The following PDE10A variants were observed in gnomAD, a reference collection of about 807,000 sequenced individuals.
The protein encoded by PDE10A is phosphodiesterase 10A, also known as cAMP and cAMP-inhibited cGMP 3',5'-cyclic phosphodiesterase 10A.
Under a neutral mutation model 97.7 loss-of-function variants are expected in PDE10A, and 39 were observed. The observed-to-expected ratio is 0.40, with a 90% CI of 0.31 to 0.52. The LOEUF (loss-of-function observed/expected upper bound fraction) is 0.52, where lower values mean the gene tolerates loss of function less well. Among genes scored for constraint, PDE10A ranks in the 20% least tolerant of loss-of-function variants. The pLI, the probability that PDE10A is intolerant of heterozygous loss-of-function variation, is 0.56. For missense variants in PDE10A, 731 were observed against 1,047.8 expected (o/e 0.70, Z 4.17); for synonymous variants, 371 against 376.8 (o/e 0.98, Z 0.18).
chr6:165,552,475 G>A (rs1026162341), intron 1 of PDE10A, among the ~76,000 whole-genome samples: 2 of 152,192 alleles, frequency 1.3e-5, no homozygotes, highest in African/African-American at 2.4e-5. Flanking sequence ...GAACACCTGC[G>A]TTCCTTCTGA....
intron 1 of PDE10A, among the ~76,000 whole-genome samples, chr6:165,970,295 A>C (rs1046627629): frequency 2.0e-5 from 3 of 152,252 alleles, no homozygotes; most frequent in Non-Finnish European, 2.9e-5. Flanking sequence ...TTATTAGAAC[A>C]ACTGACAAAA....
intron 1 of PDE10A, among the ~76,000 whole-genome samples, chr6:165,838,259 T>G (rs1780120519): frequency 6.6e-6 from 1 of 152,230 alleles, no homozygotes; most frequent in Non-Finnish European, 1.5e-5. Context: ...CCCACATTAA[T>G]GGAATGCCTT....
chr6:165,579,526 T>C (rs1785496116), intron 1 of PDE10A, among the ~76,000 whole-genome samples: 2 of 152,238 alleles, frequency 1.3e-5, no homozygotes, highest in South Asian at 2.1e-4. Flanking sequence ...ACTTCAAAAT[T>C]CATCCAAAAC....
chr6:165,560,588 T>C (rs1455975663), intron 1 of PDE10A, among the ~76,000 whole-genome samples: 5 of 152,252 alleles, frequency 3.3e-5, no homozygotes, highest in African/African-American at 1.2e-4. Flanking sequence ...AAACCTTTAC[T>C]TTTCTAAAGT....
At chr6:165,614,932 C>T (rs1787658094) in intron 1 of PDE10A, among the ~76,000 whole-genome samples, 2 of 151,906 alleles carry the variant, frequency 1.3e-5, no homozygotes, top group South Asian at 4.1e-4. Flanking sequence ...GTAAAATAGG[C>T]CAGGCGCAGT....
At chr6:165,872,552 G>A (rs1427719441) in intron 1 of PDE10A, among the ~76,000 whole-genome samples, 3 of 152,266 alleles carry the variant, frequency 2.0e-5, no homozygotes, top group Admixed American at 1.3e-4. Flanking sequence ...CCTCCTGACC[G>A]AACACAATGA....
At chr6:165,897,417 T>C (rs1221717077) in intron 1 of PDE10A, among the ~76,000 whole-genome samples, 1 of 151,796 alleles carries the variant, frequency 6.6e-6, no homozygotes, top group African/African-American at 2.4e-5. Context: ...CATCCAGTAT[T>C]TGGGGGTGGG....
intron 1 of PDE10A, among the ~76,000 whole-genome samples, chr6:165,937,946 C>A (rs77943121): frequency 6.6e-6 from 1 of 152,072 alleles, no homozygotes; most frequent in Non-Finnish European, 1.5e-5. Flanking sequence ...TGAAGCCTGA[C>A]AATAAATGTT....
At chr6:165,548,425 TCC>T (rs1783847468) in intron 1 of PDE10A, among the ~76,000 whole-genome samples, 1 of 152,056 alleles carries the variant, frequency 6.6e-6, no homozygotes, top group Non-Finnish European at 1.5e-5. Context: ...TCTCTTACTT[TCC>T]CCCATTATAA....
At chr6:165,527,838 C>A (rs1213608933) in intron 2 of PDE10A, among the ~76,000 whole-genome samples, 1 of 152,200 alleles carries the variant, frequency 6.6e-6, no homozygotes, top group Non-Finnish European at 1.5e-5. Flanking sequence ...CCGATGGCCT[C>A]ATGGGGAGTT....
In PDE10A at chr6:165,655,281, C is replaced by A. The variant is rs2128427584; in HGVS notation, c.865+6666G>T. Among the ~76,000 whole-genome samples the A allele has an allele frequency of 6.6e-6, 1 of 152,244 alleles. No homozygotes were observed. Among genetic ancestry groups the A allele is most frequent in the East Asian group, 1.9e-4 (1 of 5,168 alleles). On this transcript the variant is annotated intron_variant, in intron 1 of 21. Coordinates refer to ENST00000539869, the MANE Select transcript of PDE10A (RefSeq NM_001385079.1). The surrounding 1 kb of genome is among the most constrained non-coding windows in gnomAD (Gnocchi z 4.5). ...TGCAGTCTTGAACGATCCTTTGGAT[C>A]AAATCCTCCCAGGCTTTGTTTATCC... is the stretch of plus-strand genomic sequence containing the variant.
At chr6:165,421,798 C>T (rs1689117547) in intron 10 of PDE10A, among the ~76,000 whole-genome samples, 1 of 152,166 alleles carries the variant, frequency 6.6e-6, no homozygotes, top group South Asian at 2.1e-4. Context: ...TGCAGGGGCT[C>T]ACGCTGTACT....
At chr6:165,905,894 T>C (rs1782247488) in intron 1 of PDE10A, among the ~76,000 whole-genome samples, 1 of 152,016 alleles carries the variant, frequency 6.6e-6, no homozygotes, top group Admixed American at 6.6e-5. Flanking sequence ...AAAGTAATAG[T>C]ATACGTTCTT....
intron 13 of PDE10A, among the ~76,000 whole-genome samples, chr6:165,401,168 A>G (rs1786632044): frequency 6.6e-6 from 1 of 152,178 alleles, no homozygotes; most frequent in African/African-American, 2.4e-5. Flanking sequence ...TTGTGTATCA[A>G]TAAACCTCAG....
chr6:165,563,088 A>G (rs1284602783), intron 1 of PDE10A, among the ~76,000 whole-genome samples: 2 of 151,924 alleles, frequency 1.3e-5, no homozygotes, highest in Non-Finnish European at 2.9e-5. Flanking sequence ...AAATACTGCA[A>G]TCAGAATAAT....
intron 1 of PDE10A, among the ~76,000 whole-genome samples, chr6:165,950,823 A>AC (rs1783931430): frequency 6.6e-6 from 1 of 152,310 alleles, no homozygotes; most frequent in Admixed American, 6.5e-5. Context: ...CCAGACATGA[A>AC]CCAGGGCTAC....
intron 1 of PDE10A, among the ~76,000 whole-genome samples, chr6:165,865,585 CAGAT>C (rs1781019704): frequency 6.6e-6 from 1 of 151,880 alleles, no homozygotes; most frequent in African/African-American, 2.4e-5. Flanking sequence ...AAGAGATAGA[CAGAT>C]AGCATAAAAG....
intron 1 of PDE10A, among the ~76,000 whole-genome samples, chr6:165,825,864 C>T (rs923279967): frequency 1.3e-5 from 2 of 152,180 alleles, no homozygotes; most frequent in East Asian, 1.9e-4. Context: ...ACTCCTTACC[C>T]GGCTTCACCA....
intron 18 of PDE10A, among the ~76,000 whole-genome samples, chr6:165,367,242 T>C (rs1783834666): frequency 3.6e-5 from 1 of 27,608 alleles, no homozygotes; most frequent in East Asian, 6.0e-4. Flanking sequence ...CACACACATA[T>C]GTGTGTGTGT....
Sources: gnomAD v4.1 joint callset for allele counts (sites outside exome capture counted in the v4.1 genomes callset) on GRCh38, gnomAD v4.1.1 for gene constraint, Gnocchi (gnomAD v3.1) non-coding constraint, MANE v1.5 for transcripts, NCBI Gene and HGNC (gene_info 2026-07-23, HGNC 2026-07-21) for gene names.